The following SLC19A1 variants were observed in gnomAD, a reference collection of about 807,000 sequenced individuals.
SLC19A1 encodes the protein reduced folate transporter.
SLC19A1 carries 37 observed loss-of-function variants against 35.3 expected under a neutral mutation model. That is an observed-to-expected ratio of 1.05 (90% confidence interval 0.81 to 1.38). The LOEUF (loss-of-function observed/expected upper bound fraction) is 1.38, where lower values mean the gene tolerates loss of function less well. Ranked by LOEUF, SLC19A1 falls within the 40% of genes most tolerant of loss-of-function variation. The probability of loss-of-function intolerance (pLI) is 0.00; values close to 1 mark genes in which losing one functional copy is unlikely to be tolerated. For synonymous variants in SLC19A1, 460 were observed against 398.5 expected, an observed-to-expected ratio of 1.15 and a Z score of -1.84; for missense variants, 831 against 826.9, an observed-to-expected ratio of 1.00 and a Z score of -0.06.
At chr21:45,555,145 CGGT>C (rs1381134825) in intron 1 of SLC19A1, among the ~76,000 whole-genome samples, 13 of 102,124 alleles carry the variant, frequency 1.3e-4, no homozygotes, top group South Asian at 7.6e-4. Flanking sequence ...ACGCAGGGGG[CGGT>C]GCAGGGGGCG....
At chr21:45,556,605 G>C (rs754865153) in intron 1 of SLC19A1, among the ~76,000 whole-genome samples, 1 of 152,266 alleles carries the variant, frequency 6.6e-6, no homozygotes, top group South Asian at 2.1e-4. Context: ...ACACCGTGCA[G>C]ACGAAACCAG....
Position 45,530,245 on chromosome 21 carries a change from G to A in SLC19A1, c.1151+525C>T, listed in dbSNP as rs2077819959. Among the ~76,000 whole-genome samples the A allele has an allele frequency of 6.6e-6, 1 of 151,458 alleles. No homozygotes were observed. The highest frequency in any genetic ancestry group is 1.5e-5 in the Non-Finnish European group (1 of 67,926). ...TGGTGTGTGTCCGTGTGTGTGGTGT[G>A]TTCATGTGCGATATATCCATGTGTG... On this transcript the variant is annotated intron_variant, in intron 4 of 5. Coordinates refer to ENST00000311124, the MANE Select transcript of SLC19A1 (RefSeq NM_194255.4). This position sits in a 1 kb window ranked among gnomAD's most constrained non-coding sequence, Gnocchi z 5.3.
chr21:45,511,063 TCCACACCC>T (rs1410664043), downstream of SLC19A1: 4 of 598,268 alleles, frequency 6.7e-6, no homozygotes, highest in Admixed American at 5.6e-5. Context: ...CCCACACCCA[TCCACACCC>T]CCACACACCA....
At chr21:45,506,203 G>T in intron 3 of SLC19A1, 1 of 561,478 alleles carries the variant, frequency 1.8e-6, no homozygotes, top group South Asian at 2.0e-5. Flanking sequence ...CGTGTGAGGG[G>T]CTCCTGGTGG....
intron 1 of SLC19A1, among the ~76,000 whole-genome samples, chr21:45,551,870 G>A (rs943717376): frequency 3.3e-5 from 5 of 152,114 alleles, no homozygotes; most frequent in African/African-American, 1.2e-4. Flanking sequence ...GAAGGGCCCC[G>A]CCGTGACTGG....
intron 4 of SLC19A1, among the ~76,000 whole-genome samples, chr21:45,529,663 T>C (rs2077782782): frequency 6.6e-6 from 1 of 150,888 alleles, no homozygotes; most frequent in African/African-American, 2.4e-5. Flanking sequence ...TGTGAACGTG[T>C]GGTGTGTGTC....
chr21:45,552,766 T>C (rs1908522161), intron 1 of SLC19A1, among the ~76,000 whole-genome samples: 1 of 152,122 alleles, frequency 6.6e-6, no homozygotes, highest in Non-Finnish European at 1.5e-5. Context: ...AGGTCATTCC[T>C]GGCCCATGAG....
chr21:45,511,096 C>CAA (rs1555876761), downstream of SLC19A1: 1 of 1,451,610 alleles, frequency 6.9e-7, no homozygotes, highest in Non-Finnish European at 9.4e-7. Context: ...CACATACACA[C>CAA]GGTTTCTCTT....
At chr21:45,551,669 T>G (rs1239206217) in intron 1 of SLC19A1, among the ~76,000 whole-genome samples, 1 of 152,228 alleles carries the variant, frequency 6.6e-6, no homozygotes, top group Non-Finnish European at 1.5e-5. Flanking sequence ...TTTGTGAAAT[T>G]GTTTTGAGCT....
intron 1 of SLC19A1, among the ~76,000 whole-genome samples, chr21:45,551,242 C>T (rs1341898537): frequency 6.6e-6 from 1 of 151,856 alleles, no homozygotes; most frequent in Non-Finnish European, 1.5e-5. Context: ...GAGCGAGACT[C>T]CATCTCAAAG....
At chr21:45,512,455 C>T (rs1008874815), downstream of SLC19A1, 129 of 1,555,500 alleles carry the variant, frequency 8.3e-5, no homozygotes, top group Non-Finnish European at 1.0e-4. Flanking sequence ...AAGCCCCCAC[C>T]GTGGGCAGGG....
intron 3 of SLC19A1, chr21:45,504,582 G>C (rs1001484412): frequency 4.8e-5 from 74 of 1,556,048 alleles, no homozygotes; most frequent in Non-Finnish European, 6.1e-5. Flanking sequence ...TGCAGGCAGA[G>C]CCCATGTCCC....
chr21:45,504,294 G>A (rs925415276), intron 3 of SLC19A1: 58 of 1,036,148 alleles, frequency 5.6e-5, no homozygotes, highest in Non-Finnish European at 7.8e-5. Flanking sequence ...TATGCAGCCA[G>A]CAGCTCCCAG....
At chr21:45,503,376 G>T (rs2036970116) in intron 3 of SLC19A1, among the ~76,000 whole-genome samples, 1 of 152,020 alleles carries the variant, frequency 6.6e-6, no homozygotes, top group Admixed American at 6.6e-5. Context: ...CTTCTTTTGA[G>T]AAGTGTCTGT....
At chr21:45,545,440 T>C (rs889148511), upstream of SLC19A1, among the ~76,000 whole-genome samples, 1 of 149,438 alleles carries the variant, frequency 6.7e-6, no homozygotes, top group Non-Finnish European at 1.5e-5. Flanking sequence ...CCTTCCACCA[T>C]GTGTGGAAGC....
At chr21:45,551,366 C>A (rs1227884220) in intron 1 of SLC19A1, among the ~76,000 whole-genome samples, 3 of 152,022 alleles carry the variant, frequency 2.0e-5, no homozygotes, top group African/African-American at 7.3e-5. Flanking sequence ...GTTCTAGTTT[C>A]TGAGTTAACT....
chr21:45,543,406 G>A (rs755126634), upstream of SLC19A1, among the ~76,000 whole-genome samples: 99 of 152,356 alleles, frequency 6.5e-4, no homozygotes, highest in Non-Finnish European at 1.3e-3. Flanking sequence ...AGAAGGGGAC[G>A]GCCACCGTGG....
intron 3 of SLC19A1, chr21:45,506,041 A>G (rs745472433): frequency 6.2e-7 from 1 of 1,607,848 alleles, no homozygotes; most frequent in Non-Finnish European, 8.5e-7. Context: ...GGAAGGCGAG[A>G]GGCTCAGGCC....
At chr21:45,544,917 C>T (rs1052735867), upstream of SLC19A1, among the ~76,000 whole-genome samples, 2 of 152,204 alleles carry the variant, frequency 1.3e-5, no homozygotes, top group East Asian at 3.9e-4. Flanking sequence ...TGAGACCAAC[C>T]GGCCAGTCCT....
Sources: gnomAD v4.1 joint callset for allele counts (sites outside exome capture counted in the v4.1 genomes callset) on GRCh38, gnomAD v4.1.1 for gene constraint, Gnocchi (gnomAD v3.1) non-coding constraint, MANE v1.5 for transcripts, NCBI Gene and HGNC (gene_info 2026-07-23, HGNC 2026-07-21) for gene names.